Variants in TULP4 observed in about 807,000 individuals in gnomAD.
The protein encoded by TULP4 is tubby-related protein 4.
In TULP4, 16 loss-of-function variants were observed where a neutral mutation model predicts 129.0. The observed-to-expected ratio is 0.12, with a 90% CI of 0.08 to 0.19. The LOEUF is 0.19. Among genes scored for constraint, TULP4 ranks in the 10% least tolerant of loss-of-function variants. The pLI, the probability that TULP4 is intolerant of heterozygous loss-of-function variation, is 1.00. For missense variants in TULP4, 1,842 were observed against 2,059.1 expected (o/e 0.89, Z 2.04); for synonymous variants, 998 against 854.0 (o/e 1.17, Z -2.94).
upstream of TULP4, among the ~76,000 whole-genome samples, chr6:158,308,744 G>A (rs1456827185): frequency 7.8e-4 from 105 of 135,084 alleles, no homozygotes; most frequent in South Asian, 1.7e-3. Flanking sequence ...CGGGGCGGCT[G>A]GCCGGGCGGG....
chr6:158,274,020 G>T (rs1007822525), intron 1 of TULP4, among the ~76,000 whole-genome samples: 2 of 152,146 alleles, frequency 1.3e-5, no homozygotes, highest in African/African-American at 4.8e-5. Context: ...AACACTTTGG[G>T]AGGCCGAGGT....
At chr6:158,439,481 C>T (rs943275747) in intron 3 of TULP4, among the ~76,000 whole-genome samples, 1 of 151,780 alleles carries the variant, frequency 6.6e-6, no homozygotes, top group African/African-American at 2.4e-5. Context: ...AACTCTCTCC[C>T]TCCACCCACC....
intron 5 of TULP4, 80 bp downstream of exon 5, chr6:158,452,348 T>C: frequency 6.5e-7 from 1 of 1,539,196 alleles, no homozygotes; most frequent in Non-Finnish European, 8.8e-7. Context: ...GTACACTCTG[T>C]GCTTACTGAT....
intron 8 of TULP4, among the ~76,000 whole-genome samples, chr6:158,489,004 A>G (rs1202135207): frequency 6.6e-6 from 1 of 152,164 alleles, no homozygotes; most frequent in African/African-American, 2.4e-5. Context: ...TTCCCACCGC[A>G]CAGGTTTCCT....
intron 13 of TULP4, among the ~76,000 whole-genome samples, chr6:158,505,263 C>G (rs747293129): frequency 2.6e-5 from 4 of 152,216 alleles, no homozygotes; most frequent in Non-Finnish European, 1.5e-5. Flanking sequence ...TACTTAAATT[C>G]ACGTTTTCGT....
chr6:158,248,807 C>G (rs1449636390), intron 1 of TULP4, among the ~76,000 whole-genome samples: 6 of 152,098 alleles, frequency 3.9e-5, no homozygotes, highest in Admixed American at 3.9e-4. Context: ...TTTAATGTAT[C>G]TGAGAGAAAG....
At chr6:158,416,885 A>T (rs969340580) in intron 2 of TULP4, among the ~76,000 whole-genome samples, 3 of 152,214 alleles carry the variant, frequency 2.0e-5, no homozygotes, top group Admixed American at 2.0e-4. Flanking sequence ...ATAGCTTTAG[A>T]TACATGAATA....
chr6:158,290,489 C>T (rs928717287), intron 1 of TULP4, among the ~76,000 whole-genome samples: 2 of 152,096 alleles, frequency 1.3e-5, no homozygotes, highest in African/African-American at 2.4e-5. Flanking sequence ...TGATTGTTTC[C>T]TTTGCTGTGC....
chr6:158,489,024 T>C (rs1780133371), intron 8 of TULP4, among the ~76,000 whole-genome samples: 1 of 152,116 alleles, frequency 6.6e-6, no homozygotes, highest in Non-Finnish European at 1.5e-5. Flanking sequence ...TAGCCTTTGC[T>C]CCACGCAGGC....
chr6:158,303,667 A>G (rs1213742635), intron 1 of TULP4, among the ~76,000 whole-genome samples: 2 of 152,230 alleles, frequency 1.3e-5, no homozygotes, highest in African/African-American at 2.4e-5. Context: ...AATACTTTGT[A>G]TGTGAATACC....
chr6:158,445,293 C>T (rs755436749), intron 3 of TULP4, among the ~76,000 whole-genome samples: 2 of 152,070 alleles, frequency 1.3e-5, no homozygotes, highest in African/African-American at 2.4e-5. Flanking sequence ...GCCTACAGTT[C>T]GTCACAGGAA....
At chr6:158,428,940 T>C (rs1310275223) in intron 2 of TULP4, among the ~76,000 whole-genome samples, 1 of 152,242 alleles carries the variant, frequency 6.6e-6, no homozygotes, top group Admixed American at 6.5e-5. Flanking sequence ...TACAGAACAC[T>C]GGTGATGCAC....
At chr6:158,491,284 T>C (rs1181264529) in intron 9 of TULP4, among the ~76,000 whole-genome samples, 8 of 152,232 alleles carry the variant, frequency 5.3e-5, no homozygotes, top group Admixed American at 3.9e-4. Context: ...TGGATGCTGC[T>C]TCGTTTGCAT....
At chr6:158,464,307 A>G (rs987184876) in intron 6 of TULP4, among the ~76,000 whole-genome samples, 1 of 152,220 alleles carries the variant, frequency 6.6e-6, no homozygotes, top group African/African-American at 2.4e-5. Context: ...GAAAGATAGG[A>G]CATCTTGAAA....
At chr6:158,373,784 T>G (rs774753117) in intron 1 of TULP4, among the ~76,000 whole-genome samples, 5 of 152,340 alleles carry the variant, frequency 3.3e-5, no homozygotes, top group Admixed American at 6.5e-5. Context: ...TCTTTCCATG[T>G]TAATATATTC....
intron 1 of TULP4, among the ~76,000 whole-genome samples, chr6:158,250,190 G>A (rs1360583960): frequency 2.0e-5 from 3 of 147,366 alleles, no homozygotes; most frequent in African/African-American, 5.0e-5. Context: ...ACGGAGTGTC[G>A]CTCTGTCACC....
At chr6:158,314,473 CA>C (rs1260260094) in intron 1 of TULP4, among the ~76,000 whole-genome samples, 1 of 152,198 alleles carries the variant, frequency 6.6e-6, no homozygotes, top group Non-Finnish European at 1.5e-5. Flanking sequence ...CCAGGTGGGT[CA>C]GTTGTCCCTG....
chr6:158,445,101 G>A (rs761598591), intron 3 of TULP4, among the ~76,000 whole-genome samples: 1 of 152,142 alleles, frequency 6.6e-6, no homozygotes. Flanking sequence ...GGTGTGAGCC[G>A]TGGTGCCTGG....
chr6:158,389,746 A>G (rs1777541712), intron 1 of TULP4, among the ~76,000 whole-genome samples: 1 of 152,164 alleles, frequency 6.6e-6, no homozygotes. Context: ...GACTTGGCCC[A>G]GTCATTCCTC....
Sources: allele counts gnomAD v4.1 joint callset (sites outside exome capture counted in the v4.1 genomes callset), GRCh38; gene constraint gnomAD v4.1.1; transcripts MANE v1.5; gene names NCBI Gene and HGNC (gene_info 2026-07-23, HGNC 2026-07-21).